Variants in OSBPL10 observed in about 807,000 individuals in gnomAD.
The protein encoded by OSBPL10 is oxysterol-binding protein-related protein 10.
OSBPL10 carries 49 observed loss-of-function variants against 81.7 expected under a neutral mutation model. The observed-to-expected ratio is 0.60, with a 90% CI of 0.48 to 0.76. OSBPL10 has a LOEUF of 0.76. Among genes scored for constraint, OSBPL10 ranks in the 30% least tolerant of loss-of-function variants. The probability of loss-of-function intolerance (pLI) is 0.00; values close to 1 mark genes in which losing one functional copy is unlikely to be tolerated. For missense variants in OSBPL10, 923 were observed against 987.8 expected (o/e 0.93, Z 0.88); for synonymous variants, 419 against 383.6 (o/e 1.09, Z -1.08).
chr3:31,760,368 G>C (rs1305034688), intron 4 of OSBPL10, among the ~76,000 whole-genome samples: 1 of 152,058 alleles, frequency 6.6e-6, no homozygotes, highest in East Asian at 1.9e-4. Flanking sequence ...TACCCATGGG[G>C]GATTGGTTCC....
chr3:31,783,134 T>TAC (rs1171432117), intron 4 of OSBPL10, among the ~76,000 whole-genome samples: 1,105 of 80,112 alleles, frequency 0.014, 44 homozygotes, highest in African/African-American at 0.037. Flanking sequence ...TATATATATA[T>TAC]ATATATATAT....
intron 3 of OSBPL10, among the ~76,000 whole-genome samples, chr3:31,875,289 C>T (rs543025512): frequency 6.6e-6 from 1 of 152,162 alleles, no homozygotes; most frequent in South Asian, 2.1e-4. Context: ...TACTCTTATC[C>T]TCTTCTGTTC....
Position 31,695,019 on chromosome 3 carries a change from G to C in OSBPL10, c.1245+7340C>G, listed in dbSNP as rs1055579827. On this transcript the variant is annotated intron_variant, in intron 7 of 11. Transcript: ENST00000396556. ...TCCGCCCACCTCAACCTCCCAAAGT[G>C]CTGGAATTACAGGCACAAGCCACCC... 4.6e-5 allele frequency among the ~76,000 whole-genome samples: 7 copies of C among 152,312 alleles called. 2 individuals carry two copies. The highest frequency in any genetic ancestry group is 2.0e-4 in the Admixed American group (3 of 15,304).
intron 1 of OSBPL10, among the ~76,000 whole-genome samples, chr3:31,978,339 A>T (rs1698740920): frequency 6.6e-6 from 1 of 152,254 alleles, no homozygotes; most frequent in Admixed American, 6.5e-5. Flanking sequence ...TCCCTGGACC[A>T]GGGAAGGGTG....
chr3:31,702,581 T>C (rs2125593428), intron 6 of OSBPL10, 73 bp from the exon 7 acceptor site: 2 of 1,583,568 alleles, frequency 1.3e-6, no homozygotes, highest in East Asian at 4.5e-5. Context: ...TGAATTCACA[T>C]GCTTTGCAAT....
intron 7 of OSBPL10, among the ~76,000 whole-genome samples, chr3:31,695,172 C>T (rs1695675567): frequency 6.6e-6 from 1 of 152,174 alleles, no homozygotes; most frequent in African/African-American, 2.4e-5. Flanking sequence ...GTCTGCATCC[C>T]CCACCTTCTA....
At position 31,664,187 on chromosome 3, in the gene OSBPL10, A is replaced by G; in HGVS notation, c.2142T>C (p.Ile714=). 6.2e-7 allele frequency: 1 copy of G among 1,613,092 alleles called. No individual in the cohort carries two copies. Among genetic ancestry groups the G allele is most frequent in the South Asian group, 1.1e-5 (1 of 91,002 alleles). ...GCCGCTTCTGCTCGGTGGCTGCGTC[A>G]ATGTCCCCCAGCCGCAGGTATCGGG... is the stretch of plus-strand genomic sequence containing the variant. ...EVTRYLRLGD[I]DAATEQKRHL... Residue 714 remains isoleucine (I), a synonymous_variant, in exon 11 of 12, where the codon ATT becomes ATC. Coordinates refer to ENST00000396556, the MANE Select transcript of OSBPL10 (RefSeq NM_017784.5).
intron 2 of OSBPL10, chr3:31,989,093 A>G: frequency 6.2e-7 from 1 of 1,614,068 alleles, no homozygotes; most frequent in Non-Finnish European, 8.5e-7. Flanking sequence ...TTACGTGAGG[A>G]AGCAGCTCAG....
Position 31,697,346 on chromosome 3 carries a change from C to T in OSBPL10, c.1245+5013G>A, listed in dbSNP as rs141140818. Among the ~76,000 whole-genome samples the T allele has an allele frequency of 4.4e-3, 674 of 151,782 alleles. 5 individuals are homozygous for T. The highest frequency in any genetic ancestry group is 0.015 in the African/African-American group (607 of 41,286). The stretch of plus-strand genomic sequence containing the variant: ...CAGGCAAGACCAGCAGAAGAGCTGC[C>T]CCGCTAAGCCCATTCCAGATTGCAT... On this transcript the variant is annotated intron_variant, in intron 7 of 11. Transcript: ENST00000396556.
intron 2 of OSBPL10, among the ~76,000 whole-genome samples, chr3:32,011,551 A>T (rs1453595108): frequency 6.6e-6 from 1 of 152,248 alleles, no homozygotes; most frequent in Non-Finnish European, 1.5e-5. Flanking sequence ...CCTCCAAAGG[A>T]ATGCAGCTCC....
chr3:31,980,227 C>T (rs1470794975), intron 1 of OSBPL10, among the ~76,000 whole-genome samples: 1 of 152,194 alleles, frequency 6.6e-6, no homozygotes, highest in South Asian at 2.1e-4. Flanking sequence ...TGGTCTCGAA[C>T]TCCTGACTTC....
At chr3:31,945,569 C>A (rs1697676115) in intron 1 of OSBPL10, among the ~76,000 whole-genome samples, 1 of 152,176 alleles carries the variant, frequency 6.6e-6, no homozygotes, top group Non-Finnish European at 1.5e-5. Flanking sequence ...GTTTCTCTTG[C>A]AATATCCAAG....
intron 6 of OSBPL10, among the ~76,000 whole-genome samples, chr3:31,708,105 ATTT>A (rs1384585817): frequency 6.6e-6 from 1 of 152,108 alleles, no homozygotes; most frequent in East Asian, 1.9e-4. Context: ...AAATTTTTAA[ATTT>A]TTTATTAAAT....
intron 1 of OSBPL10, among the ~76,000 whole-genome samples, chr3:31,947,471 T>A (rs1375047497): frequency 6.6e-6 from 1 of 152,120 alleles, no homozygotes; most frequent in Non-Finnish European, 1.5e-5. Context: ...ATAGCGAGTG[T>A]CCAAATTACC....
intron 4 of OSBPL10, among the ~76,000 whole-genome samples, chr3:31,775,903 C>T (rs868102548): frequency 6.6e-6 from 1 of 152,040 alleles, no homozygotes; most frequent in Admixed American, 6.6e-5. Context: ...ATTTAGAGAA[C>T]AGGTTGAGGA....
intron 4 of OSBPL10, among the ~76,000 whole-genome samples, chr3:31,790,104 C>T (rs187489186): frequency 6.6e-6 from 1 of 152,258 alleles, no homozygotes; most frequent in African/African-American, 2.4e-5. Context: ...GTAAGCAAAA[C>T]AATTACCAAA....
chr3:31,857,801 A>T (rs370397588), intron 3 of OSBPL10, among the ~76,000 whole-genome samples: 8 of 35,626 alleles, frequency 2.2e-4, no homozygotes, highest in East Asian at 8.1e-4. Flanking sequence ...AGAGACAGAA[A>T]GGGAGAGAGA....
chr3:31,872,880 T>G (rs941576277), intron 3 of OSBPL10, among the ~76,000 whole-genome samples: 1 of 152,168 alleles, frequency 6.6e-6, no homozygotes, highest in Non-Finnish European at 1.5e-5. Context: ...TGCCTCAGCC[T>G]CCCAAAGTGC....
At chr3:31,878,680 C>G (rs1441998589) in intron 2 of OSBPL10, among the ~76,000 whole-genome samples, 1 of 152,104 alleles carries the variant, frequency 6.6e-6, no homozygotes, top group African/African-American at 2.4e-5. Context: ...TAGCAAGCAG[C>G]CGTTTCTTCA....
Sources: gnomAD v4.1 joint callset for allele counts (sites outside exome capture counted in the v4.1 genomes callset) on GRCh38, gnomAD v4.1.1 for gene constraint, MANE v1.5 for transcripts, NCBI Gene and HGNC (gene_info 2026-07-23, HGNC 2026-07-21) for gene names.